The following APP variants were observed in gnomAD, a reference collection of about 807,000 sequenced individuals.
APP encodes the protein amyloid beta precursor protein.
APP carries 31 observed loss-of-function variants against 101.4 expected under a neutral mutation model. The observed-to-expected ratio is 0.31, with a 90% confidence interval of 0.23 to 0.41. The LOEUF is 0.41. APP is among the 10% of genes least tolerant of loss of function. The probability of loss-of-function intolerance (pLI) is 1.00; values close to 1 mark genes in which losing one functional copy is unlikely to be tolerated. For missense variants in APP, 839 were observed against 1,003.7 expected (o/e 0.84, Z 2.22); for synonymous variants, 366 against 364.4 (o/e 1.00, Z -0.05).
At chr21:25,976,155 T>G in intron 9 of APP, 127 bp from the exon 10 acceptor site, 1 of 695,754 alleles carries the variant, frequency 1.4e-6, no homozygotes, top group Non-Finnish European at 2.5e-6. Context: ...ATTTATTACA[T>G]ACCCCTTCCT....
At chr21:25,903,696 A>C (rs920936301) in intron 15 of APP, among the ~76,000 whole-genome samples, 8 of 152,114 alleles carry the variant, frequency 5.3e-5, no homozygotes, top group Non-Finnish European at 7.4e-5. Flanking sequence ...AGGAATGTCA[A>C]CTCCTGGCTC....
chr21:26,016,879 TA>T (rs1253514566), intron 6 of APP, among the ~76,000 whole-genome samples: 1 of 143,580 alleles, frequency 7.0e-6, no homozygotes, highest in Non-Finnish European at 1.5e-5. Context: ...CCAGGCCAAT[TA>T]AAAAAATTTT....
chr21:25,908,582 CATT>C (rs2038906919), intron 14 of APP, among the ~76,000 whole-genome samples: 1 of 151,474 alleles, frequency 6.6e-6, no homozygotes, highest in Non-Finnish European at 1.5e-5. Context: ...GACTGTATCT[CATT>C]ATATGGCTTA....
At chr21:25,997,297 G>T in intron 8 of APP, 63 bp downstream of exon 8, 1 of 1,454,874 alleles carries the variant, frequency 6.9e-7, no homozygotes, top group Non-Finnish European at 9.7e-7. Flanking sequence ...TGATGCTGGA[G>T]TTATGTGAAC....
intron 5 of APP, among the ~76,000 whole-genome samples, chr21:26,027,443 C>T (rs776267788): frequency 5.3e-5 from 8 of 152,158 alleles, no homozygotes; most frequent in Admixed American, 5.2e-4. Context: ...GAAAGGAAAG[C>T]AGTTTTTGAA....
At chr21:25,887,517 G>GAAAAAAAAAAAAAAAA (rs199637906) in intron 17 of APP, among the ~76,000 whole-genome samples, 1 of 114,464 alleles carries the variant, frequency 8.7e-6, no homozygotes. Context: ...CTGCTTATTT[G>GAAAAAAAAAAAAAAAA]AAAAAAAAAA....
At chr21:26,004,058 G>A (rs56167429) in intron 6 of APP, among the ~76,000 whole-genome samples, 5,945 of 152,250 alleles carry the variant, frequency 0.039, 411 homozygotes, top group African/African-American at 0.13. Flanking sequence ...GGGAGAAGCT[G>A]GGACTGAGGG....
intron 5 of APP, among the ~76,000 whole-genome samples, chr21:26,049,427 G>C (rs1261677035): frequency 6.6e-6 from 1 of 152,154 alleles, no homozygotes; most frequent in Non-Finnish European, 1.5e-5. Flanking sequence ...TAGAGCATGA[G>C]AGAGAGTTAC....
Position 25,897,600 on chromosome 21 carries a change from T to C in APP, c.2037A>G (p.Ser679=). The C allele has an allele frequency of 6.2e-7, 1 of 1,613,952 alleles. No individual in the cohort carries two copies. Among genetic ancestry groups the C allele is most frequent in the Admixed American group, 1.7e-5 (1 of 60,034 alleles). The change falls in exon 16 of 18, where the codon TCA becomes TCG. Residue 679 remains serine, a synonymous_variant. Transcript: ENST00000346798. ...VKMDAEFRHD[S]GYEVHHQKLV... ...ATTTTTGATGATGAACTTCATATCC[T>C]GAGTCATGTCGGAATTCTGCATCCA...
chr21:26,141,107 C>T (rs552101824), intron 1 of APP, among the ~76,000 whole-genome samples: 32 of 152,246 alleles, frequency 2.1e-4, no homozygotes, highest in South Asian at 8.3e-4. Flanking sequence ...CTCAACATGA[C>T]GCCTGGCACC....
At chr21:25,918,469 C>A (rs1048275256) in intron 13 of APP, among the ~76,000 whole-genome samples, 4 of 152,180 alleles carry the variant, frequency 2.6e-5, no homozygotes, top group African/African-American at 9.6e-5. Flanking sequence ...ATCTGAGATA[C>A]CGGGTTCATC....
At chr21:25,999,901 T>TA in intron 7 of APP, 114 bp downstream of exon 7, 1 of 1,194,352 alleles carries the variant, frequency 8.4e-7, no homozygotes, top group Non-Finnish European at 1.2e-6. Flanking sequence ...GAAATGTGGT[T>TA]AGTGGTAGCA....
At chr21:25,903,774 C>G (rs865961772) in intron 15 of APP, among the ~76,000 whole-genome samples, 3 of 152,204 alleles carry the variant, frequency 2.0e-5, no homozygotes, top group Non-Finnish European at 2.9e-5. Flanking sequence ...GTCTCTGACT[C>G]ACTATAATTT....
chr21:26,076,046 A>G (rs573292450), intron 3 of APP, among the ~76,000 whole-genome samples: 3 of 152,116 alleles, frequency 2.0e-5, no homozygotes, highest in South Asian at 4.1e-4. Context: ...GGCGCCCATC[A>G]CCATGCCTGG....
At chr21:26,111,794 T>A (rs2062330613) in intron 2 of APP, among the ~76,000 whole-genome samples, 185 bp downstream of exon 2, 1 of 152,168 alleles carries the variant, frequency 6.6e-6, no homozygotes, top group South Asian at 2.1e-4. Context: ...CATCATAATT[T>A]TAAAAACATT....
At chr21:26,112,259 G>A (rs1205266874) in intron 1 of APP, 113 bp from the exon 2 acceptor site, 18 of 1,149,044 alleles carry the variant, frequency 1.6e-5, no homozygotes, top group Non-Finnish European at 2.2e-5. Flanking sequence ...TTCTCAATTA[G>A]GAATCAGCCC....
chr21:26,059,989 G>A (rs1252290169), intron 3 of APP, among the ~76,000 whole-genome samples: 1 of 150,432 alleles, frequency 6.6e-6, no homozygotes, highest in Non-Finnish European at 1.5e-5. Context: ...GCAGAACTGG[G>A]AGAATTAAAT....
At chr21:26,036,935 G>C (rs1208450516) in intron 5 of APP, among the ~76,000 whole-genome samples, 1 of 152,126 alleles carries the variant, frequency 6.6e-6, no homozygotes, top group African/African-American at 2.4e-5. Flanking sequence ...GAATAACCTA[G>C]ATGTCCAAAG....
chr21:26,130,835 GAACA>G (rs2062779001), intron 1 of APP, among the ~76,000 whole-genome samples: 2 of 151,514 alleles, frequency 1.3e-5, no homozygotes, highest in Non-Finnish European at 2.9e-5. Context: ...TCACAGAAAA[GAACA>G]AAGAAAAAAA....
Sources: allele counts gnomAD v4.1 joint callset (sites outside exome capture counted in the v4.1 genomes callset), GRCh38; gene constraint gnomAD v4.1.1; transcripts MANE v1.5; gene names NCBI Gene and HGNC (gene_info 2026-07-23, HGNC 2026-07-21).